Variants in SCAPER observed in about 807,000 individuals in gnomAD.
SCAPER encodes S-phase cyclin A associated protein in the ER, also known as S phase cyclin A-associated protein in the endoplasmic reticulum.
Under a neutral mutation model 182.2 loss-of-function variants are expected in SCAPER, and 98 were observed. That is an observed-to-expected ratio of 0.54 (90% confidence interval 0.46 to 0.64). SCAPER has a LOEUF of 0.64. Among genes scored for constraint, SCAPER ranks in the 30% least tolerant of loss-of-function variants. The probability of loss-of-function intolerance (pLI) is 0.00; values close to 1 mark genes in which losing one functional copy is unlikely to be tolerated. For synonymous variants in SCAPER, 605 were observed against 564.6 expected (o/e 1.07, Z -1.01); for missense variants, 1,432 against 1,690.0 (o/e 0.85, Z 2.68).
intron 24 of SCAPER, among the ~76,000 whole-genome samples, chr15:76,476,900 G>C (rs924703682): frequency 2.0e-5 from 2 of 102,074 alleles, no homozygotes; most frequent in Non-Finnish European, 3.9e-5. Flanking sequence ...TTACTATTCT[G>C]TCCAATTTTC....
intron 3 of SCAPER, among the ~76,000 whole-genome samples, chr15:76,858,431 T>C (rs2071588111): frequency 6.6e-6 from 1 of 152,208 alleles, no homozygotes; most frequent in African/African-American, 2.4e-5. Context: ...ATTACTATTC[T>C]CAACAGCAAT....
intron 11 of SCAPER, among the ~76,000 whole-genome samples, chr15:76,766,316 C>T (rs1048172665): frequency 6.6e-6 from 1 of 151,994 alleles, no homozygotes; most frequent in Non-Finnish European, 1.5e-5. Flanking sequence ...AGGCTGGTCT[C>T]GAACTCCTCA....
At chr15:76,476,589 C>A (rs1258021639) in intron 24 of SCAPER, among the ~76,000 whole-genome samples, 3 of 139,962 alleles carry the variant, frequency 2.1e-5, no homozygotes, top group African/African-American at 7.8e-5. Flanking sequence ...CCACAACACC[C>A]AGCTAATTTT....
chr15:76,887,781 G>A (rs546943285), intron 1 of SCAPER, among the ~76,000 whole-genome samples: 1 of 152,334 alleles, frequency 6.6e-6, no homozygotes, highest in East Asian at 1.9e-4. Flanking sequence ...GTCCCTGTCT[G>A]ATGGCTCTGA....
At chr15:76,603,278 A>G (rs2050067658) in intron 22 of SCAPER, among the ~76,000 whole-genome samples, 1 of 118,920 alleles carries the variant, frequency 8.4e-6, no homozygotes, top group African/African-American at 2.5e-5. Flanking sequence ...GAGCGAGAAC[A>G]TGCGGTGTTT....
intron 17 of SCAPER, among the ~76,000 whole-genome samples, chr15:76,714,175 G>A (rs1401934627): frequency 6.6e-6 from 1 of 152,122 alleles, no homozygotes; most frequent in Non-Finnish European, 1.5e-5. Flanking sequence ...TGAGGATAGA[G>A]AAAAGAGAAA....
intron 5 of SCAPER, among the ~76,000 whole-genome samples, chr15:76,832,463 G>GA (rs1367158985): frequency 6.6e-6 from 1 of 152,218 alleles, no homozygotes; most frequent in Admixed American, 6.5e-5. Flanking sequence ...AAACCTCTGA[G>GA]AAATATGTGA....
At chr15:76,450,830 A>G (rs1460404352) in intron 25 of SCAPER, among the ~76,000 whole-genome samples, 1 of 152,228 alleles carries the variant, frequency 6.6e-6, no homozygotes, top group Non-Finnish European at 1.5e-5. Context: ...TTCGGATTAC[A>G]TGCATGAGCC....
intron 8 of SCAPER, among the ~76,000 whole-genome samples, chr15:76,783,677 G>T (rs998200313): frequency 1.3e-5 from 2 of 152,132 alleles, no homozygotes; most frequent in African/African-American, 4.8e-5. Context: ...ACATCAAAAA[G>T]CTTATCCACC....
intron 25 of SCAPER, among the ~76,000 whole-genome samples, chr15:76,445,118 C>T (rs2047905128): frequency 6.6e-6 from 1 of 152,170 alleles, no homozygotes; most frequent in African/African-American, 2.4e-5. Flanking sequence ...ATCCTTTACC[C>T]TATTCTCACC....
At chr15:76,900,394 A>T in intron 1 of SCAPER, among the ~76,000 whole-genome samples, 1 of 152,062 alleles carries the variant, frequency 6.6e-6, no homozygotes, top group South Asian at 2.1e-4. Context: ...ATACATACAA[A>T]AAAAAATATG....
intron 25 of SCAPER, among the ~76,000 whole-genome samples, chr15:76,468,514 A>C (rs2049867196): frequency 6.6e-6 from 1 of 152,118 alleles, no homozygotes; most frequent in African/African-American, 2.4e-5. Flanking sequence ...TTCAAAGGGA[A>C]CTAGGCTTTC....
chr15:76,745,834 G>A (rs1445490558), intron 15 of SCAPER, among the ~76,000 whole-genome samples: 1 of 152,178 alleles, frequency 6.6e-6, no homozygotes, highest in Non-Finnish European at 1.5e-5. Context: ...AATAAGTACA[G>A]TGATAAAATC....
chr15:76,729,934 C>T (rs1467562590), intron 16 of SCAPER, among the ~76,000 whole-genome samples: 5 of 152,028 alleles, frequency 3.3e-5, no homozygotes, highest in South Asian at 2.1e-4. Flanking sequence ...CACAACCTCT[C>T]GGTAGCCTCT....
intron 25 of SCAPER, among the ~76,000 whole-genome samples, chr15:76,453,205 T>C (rs1419595814): frequency 6.6e-6 from 1 of 152,222 alleles, no homozygotes; most frequent in African/African-American, 2.4e-5. Flanking sequence ...TACTTTTGTG[T>C]ATTTCCAATG....
At chr15:76,530,271 A>C (rs2043545088) in intron 23 of SCAPER, among the ~76,000 whole-genome samples, 1 of 152,236 alleles carries the variant, frequency 6.6e-6, no homozygotes, top group African/African-American at 2.4e-5. Flanking sequence ...ATATTCATCC[A>C]TCAACTAAAT....
intron 1 of SCAPER, among the ~76,000 whole-genome samples, chr15:76,886,825 A>G (rs903945547): frequency 2.0e-5 from 3 of 152,242 alleles, no homozygotes; most frequent in African/African-American, 7.2e-5. Context: ...CAGTCATTAA[A>G]AAGAATGAGA....
At chr15:76,367,027 C>G (rs2041860437) in intron 29 of SCAPER, among the ~76,000 whole-genome samples, 1 of 152,358 alleles carries the variant, frequency 6.6e-6, no homozygotes, top group South Asian at 2.1e-4. Context: ...AGGTTCTCCA[C>G]AGATGGGGAA....
chr15:76,452,834 G>T (rs903017761), intron 25 of SCAPER, among the ~76,000 whole-genome samples: 1 of 151,632 alleles, frequency 6.6e-6, no homozygotes, highest in African/African-American at 2.4e-5. Context: ...TGCAAGTATA[G>T]TTCAAAGAAC....
Sources: gnomAD v4.1 joint callset for allele counts (sites outside exome capture counted in the v4.1 genomes callset) on GRCh38, gnomAD v4.1.1 for gene constraint, MANE v1.5 for transcripts, NCBI Gene and HGNC (gene_info 2026-07-23, HGNC 2026-07-21) for gene names.